The following DYNC1H1 variants were observed in gnomAD, a reference collection of about 807,000 sequenced individuals.
The protein encoded by DYNC1H1 is dynein cytoplasmic 1 heavy chain 1.
Under a neutral mutation model 527.1 loss-of-function variants are expected in DYNC1H1, and 51 were observed. The observed-to-expected ratio is 0.10, with a 90% confidence interval of 0.08 to 0.12. The LOEUF (loss-of-function observed/expected upper bound fraction) is 0.12, where lower values mean the gene tolerates loss of function less well. Ranked by LOEUF, DYNC1H1 falls within the 10% of genes least tolerant of loss-of-function variation. The pLI is 1.00. For missense variants in DYNC1H1, 2,771 were observed against 5,971.8 expected (o/e 0.46, Z 17.66); for synonymous variants, 2,189 against 2,278.8 (o/e 0.96, Z 1.12).
chr14:102,003,101 A>G, intron 23 of DYNC1H1, 136 bp downstream of exon 23: 2 of 1,163,184 alleles, frequency 1.7e-6, no homozygotes, highest in South Asian at 2.6e-5. Flanking sequence ...TAATACATAT[A>G]ATGATTACCA....
intron 72 of DYNC1H1, 176 bp from the exon 73 acceptor site, chr14:102,047,641 G>GTGTGTGTGTGTGTGTA: frequency 2.2e-5 from 5 of 228,538 alleles, no homozygotes; most frequent in African/African-American, 1.6e-4. Context: ...GTGTGTGTGT[G>GTGTGTGTGTGTGTGTA]TATATATATA....
rs940034172 is a variant in DYNC1H1, at chr14:101,997,654, G to T, written c.3804+380G>T. The stretch of plus-strand genomic sequence containing the variant: ...TCTGTTTTTGCCAGTGCTGCCAGTG[G>T]ATTGTGGGGAGGCAGGTTCTGTTGT... On this transcript the variant is annotated intron_variant, in intron 16 of 77. Transcript: ENST00000360184. The surrounding 1 kb of genome is among the most constrained non-coding windows in gnomAD (Gnocchi z 4.8). Among the ~76,000 whole-genome samples, 2 of 152,178 alleles carry T rather than the reference G, an allele frequency of 1.3e-5. No homozygotes were observed. The highest frequency in any genetic ancestry group is 2.9e-5 in the Non-Finnish European group (2 of 68,026).
At chr14:102,013,761 G>A (rs567705189) in intron 34 of DYNC1H1, among the ~76,000 whole-genome samples, 1 of 152,286 alleles carries the variant, frequency 6.6e-6, no homozygotes, top group Admixed American at 6.5e-5. Flanking sequence ...AATGAAGAGG[G>A]CAGGGTGAAA....
At chr14:102,000,212 A>G in intron 17 of DYNC1H1, 68 bp downstream of exon 17, 1 of 1,614,148 alleles carries the variant, frequency 6.2e-7, no homozygotes, top group Non-Finnish European at 8.5e-7. Flanking sequence ...GACTTTGTTC[A>G]TCCTCAGGGC....
chr14:101,985,872 T>C lies in DYNC1H1; in HGVS notation c.1647T>C (p.Ala549=), dbSNP rs1219770534. The change falls in exon 8 of 78, where the codon GCT becomes GCC. Residue 549 remains alanine (A), a synonymous_variant. Coordinates refer to ENST00000360184, the MANE Select transcript of DYNC1H1 (RefSeq NM_001376.5). The surrounding 1 kb of genome is among the most constrained non-coding windows in gnomAD (Gnocchi z 5.9). ...AGGGCACGGAAGCCTGGGAGGCTGC[T>C]ATGAAGAGGTACGATGAGAGGATCG... is the stretch of plus-strand genomic sequence containing the variant. ...SKEGTEAWEA[A]MKRYDERIDR... 1 of 1,614,180 alleles carries C rather than the reference T, an allele frequency of 6.2e-7. No individual in the cohort carries two copies. The highest frequency in any genetic ancestry group is 1.7e-5 in the Admixed American group (1 of 60,014).
Position 102,000,340 on chromosome 14 carries a change from G to T in DYNC1H1, c.4015G>T (p.Val1339Phe), listed in dbSNP as rs1350425668. The change falls in exon 18 of 78, where the codon GTT (valine) becomes TTT (phenylalanine). Residue 1339 changes from valine to phenylalanine, a missense_variant. Coordinates refer to ENST00000360184, the MANE Select transcript of DYNC1H1 (RefSeq NM_001376.5). ...LKGVWSELSK[V>F]WEQIDQMKEQ... is the part of the protein sequence containing the mutation. ...AGGCGTTTGGTCAGAACTTTCTAAG[G>T]TTTGGGAGCAAATCGATCAGATGAA... is the stretch of plus-strand genomic sequence containing the variant. 6.2e-7 allele frequency: 1 copy of T among 1,614,164 alleles called. No homozygotes were observed. Among genetic ancestry groups the T allele is most frequent in the Non-Finnish European group, 8.5e-7 (1 of 1,180,038 alleles).
At position 101,992,234 on chromosome 14, in the gene DYNC1H1, C is replaced by T. The variant is rs574507609; in HGVS notation, c.3015+561C>T. 5.9e-5 allele frequency among the ~76,000 whole-genome samples: 9 copies of T among 152,334 alleles called. No homozygotes were observed. In the East Asian group the frequency reaches 1.5e-3, roughly 26 times the overall value. On this transcript the variant is annotated intron_variant, in intron 11 of 77. Transcript: ENST00000360184. ...GGCACAACTTCTGCTATTGCAGACT[C>T]TTCCAGAATTTAGTGATAAGACATT...
At chr14:102,040,524 A>G in intron 63 of DYNC1H1, 74 bp from the exon 64 acceptor site, 9 of 1,611,440 alleles carry the variant, frequency 5.6e-6, no homozygotes, top group Non-Finnish European at 7.6e-6. Context: ...CTCGCGTCAG[A>G]CTCTCGCTCA....
rs759317878 is a variant in DYNC1H1 at position 101,985,985 on chromosome 14, G to A, written c.1760G>A (p.Arg587Lys). ...NANEMFRIFS[R>K]FNALFVRPHI... ...AACGAGATGTTTAGGATTTTCTCCA[G>A]GTTTAATGCACTGTTTGTCAGGCCT... The change falls in exon 8 of 78, where the codon AGG (arginine) becomes AAG (lysine). Residue 587 changes from arginine (R) to lysine (K), a missense_variant. Around this residue, in one of 32 missense-constraint regions of DYNC1H1, gnomAD observed 264 missense variants for 619.4 expected, o/e 0.43. Coordinates refer to ENST00000360184, the MANE Select transcript of DYNC1H1 (RefSeq NM_001376.5). This position sits in a 1 kb window ranked among gnomAD's most constrained non-coding sequence, Gnocchi z 5.9. The A allele has an allele frequency of 6.2e-7, 1 of 1,614,174 alleles. No homozygotes were observed. The highest frequency in any genetic ancestry group is 1.3e-5 in the African/African-American group (1 of 75,054).
chr14:102,010,900 T>C lies in DYNC1H1; in HGVS notation c.6566T>C (p.Met2189Thr). ...GAGCTGAAGAAAGTGTGTCAGGAGA[T>C]GTATTTGACATATGGAGATGGAGAA... ...REELKKVCQEMYLTYGDGEEV... is the reference protein window; with the variant it reads ...REELKKVCQETYLTYGDGEEV... The change falls in exon 32 of 78, where the codon ATG becomes ACG. Residue 2189 changes from methionine to threonine, a missense_variant. Transcript: ENST00000360184. The surrounding 1 kb of genome is among the most constrained non-coding windows in gnomAD (Gnocchi z 6.0). 2 of 1,614,200 alleles carry C rather than the reference T, an allele frequency of 1.2e-6. No individual in the cohort carries two copies. Among genetic ancestry groups the C allele is most frequent in the South Asian group, 2.2e-5 (2 of 91,090 alleles).
chr14:102,034,328 C>T lies in DYNC1H1; in HGVS notation c.10630C>T (p.Arg3544Cys). Residue 3544 changes from arginine (R) to cysteine (C), a missense_variant, in exon 56 of 78, where the codon CGT (arginine) becomes TGT (cysteine). Physicochemically the swap from Arg to Cys is radical, Grantham distance 180. Transcript: ENST00000360184. The part of the protein sequence containing the change: ...HHLQQANIQF[R>C]TDIARTEYLS... ...AGGTAACGGCCTTGCCTTTCAGTTCCGTACAGATATTGCCAGGACGGAATA... is the reference window on the plus strand; with the variant it reads ...AGGTAACGGCCTTGCCTTTCAGTTCTGTACAGATATTGCCAGGACGGAATA... 6.2e-7 allele frequency: 1 copy of T among 1,614,170 alleles called. No individual in the cohort carries two copies. The highest frequency in any genetic ancestry group is 1.3e-5 in the African/African-American group (1 of 75,030).
rs757275255 is a variant in DYNC1H1, at chr14:102,044,334, C to G, written c.12745C>G (p.Gln4249Glu). ...PWSALKTLMA[Q>E]SIYGGRVDNE... ...GTCTGCACTAAAGACCTTAATGGCC[C>G]AGTCCATTTATGGCGGGCGCGTGGA... The change falls in exon 71 of 78, where the codon CAG becomes GAG. Residue 4249 changes from glutamine to glutamate, a missense_variant. Transcript: ENST00000360184. The surrounding 1 kb of genome is among the most constrained non-coding windows in gnomAD (Gnocchi z 7.1). The G allele has an allele frequency of 2.6e-5, 42 of 1,614,130 alleles. No homozygotes were observed. The highest frequency in any genetic ancestry group is 3.3e-5 in the Non-Finnish European group (39 of 1,180,060).
At chr14:101,969,851 C>T (rs1224998148) in intron 1 of DYNC1H1, among the ~76,000 whole-genome samples, 2 of 152,166 alleles carry the variant, frequency 1.3e-5, no homozygotes, top group Admixed American at 6.5e-5. Context: ...ATGAAAATTG[C>T]GTGTCAGCAT....
In DYNC1H1 at chr14:102,036,411, T is replaced by A; in HGVS notation, c.10755-78T>A. The A allele has an allele frequency of 6.3e-7, 1 of 1,594,872 alleles. No homozygotes were observed. Among genetic ancestry groups the A allele is most frequent in the Non-Finnish European group, 8.6e-7 (1 of 1,166,008 alleles). ...ACAGCCTATCAATCAGGGTCTCTCA[T>A]CAGGGACTCGGCTAACCGTGATCCT... On this transcript the variant is annotated intron_variant, in intron 56 of 77. Coordinates refer to ENST00000360184, the MANE Select transcript of DYNC1H1 (RefSeq NM_001376.5). The surrounding 1 kb of genome is among the most constrained non-coding windows in gnomAD (Gnocchi z 5.6).
At chr14:102,006,387 A>G (rs1483367852) in intron 27 of DYNC1H1, among the ~76,000 whole-genome samples, 1 of 152,042 alleles carries the variant, frequency 6.6e-6, no homozygotes, top group Non-Finnish European at 1.5e-5. Flanking sequence ...GGCACACGCC[A>G]TCACACCAGG....
At position 102,015,012 on chromosome 14, in the gene DYNC1H1, C is replaced by A; in HGVS notation, c.7015-93C>A. The A allele has an allele frequency of 6.9e-7, 1 of 1,453,562 alleles. No homozygotes were observed. The highest frequency in any genetic ancestry group is 9.6e-7 in the Non-Finnish European group (1 of 1,042,742). 90.0% of individuals were successfully genotyped at this position (1,453,562 alleles called of 1,614,324 possible). ...TGTATAGGAAAATTAAGTTTAAAGT[C>A]ACCCTTTCAGTGTATATATAGGTAA... On this transcript the variant is annotated intron_variant, in intron 34 of 77. Coordinates refer to ENST00000360184, the MANE Select transcript of DYNC1H1 (RefSeq NM_001376.5). The surrounding 1 kb of genome is among the most constrained non-coding windows in gnomAD (Gnocchi z 6.9).
At chr14:101,981,235 C>T (rs2141270799) in intron 5 of DYNC1H1, among the ~76,000 whole-genome samples, 1 of 152,266 alleles carries the variant, frequency 6.6e-6, no homozygotes, top group East Asian at 1.9e-4. Context: ...GCCATCCTCT[C>T]ACCTCAGCCA....
chr14:101,986,338 A>G lies in DYNC1H1; in HGVS notation c.2113A>G (p.Lys705Glu). 2 of 1,613,874 alleles carry G rather than the reference A, an allele frequency of 1.2e-6. No individual in the cohort carries two copies. The highest frequency in any genetic ancestry group is 1.7e-6 in the Non-Finnish European group (2 of 1,179,954). The change falls in exon 8 of 78, where the codon AAG (lysine) becomes GAG (glutamate). Residue 705 changes from lysine (K) to glutamate (E), a missense_variant. Transcript: ENST00000360184. The surrounding 1 kb of genome is among the most constrained non-coding windows in gnomAD (Gnocchi z 8.7). ...TQEIFDDWAR[K>E]VQQRNLGVSG... Reference sequence around the variant, plus strand: ...GGAGATCTTTGATGACTGGGCAAGGAAGGTGCAGCAGCGCAACCTCGGTGT... The same window carrying G: ...GGAGATCTTTGATGACTGGGCAAGGGAGGTGCAGCAGCGCAACCTCGGTGT...
rs771049687 is a variant in DYNC1H1, at chr14:102,041,637, T to C, written c.12005T>C (p.Leu4002Ser). The change falls in exon 65 of 78, where the codon TTG becomes TCG. Residue 4002 changes from leucine (L) to serine (S), a missense_variant. This residue lies in a region of DYNC1H1 where 120 missense variants were observed against 161.9 expected (regional missense o/e 0.74). Transcript: ENST00000360184. The surrounding 1 kb of genome is among the most constrained non-coding windows in gnomAD (Gnocchi z 4.5). ...LIQAFRPDRL[L>S]AMAHMFVSTN... ...CAGGCTTTCCGGCCCGATCGCCTGT[T>C]GGCCATGGCCCACATGTTTGTTTCA... 10 of 1,614,120 alleles carry C rather than the reference T, an allele frequency of 6.2e-6. No individual in the cohort carries two copies. The highest frequency in any genetic ancestry group is 8.5e-6 in the Non-Finnish European group (10 of 1,180,056).
Sources: allele counts gnomAD v4.1 joint callset (sites outside exome capture counted in the v4.1 genomes callset), GRCh38; gene constraint gnomAD v4.1.1; regional missense constraint gnomAD v4.1.1; non-coding constraint Gnocchi (gnomAD v3.1); transcripts MANE v1.5; gene names NCBI Gene and HGNC (gene_info 2026-07-23, HGNC 2026-07-21).